The following GRB10 variants were observed in gnomAD, a reference collection of about 807,000 sequenced individuals.
The protein encoded by GRB10 is growth factor receptor-bound protein 10.
Under a neutral mutation model 80.9 loss-of-function variants are expected in GRB10, and 20 were observed. That is an observed-to-expected ratio of 0.25 (90% CI 0.17 to 0.36). The LOEUF (loss-of-function observed/expected upper bound fraction) is 0.36. GRB10 is among the 10% of genes least tolerant of loss of function. GRB10 has a pLI of 1.00. For synonymous variants in GRB10, 291 were observed against 291.5 expected, an observed-to-expected ratio of 1.00 and a Z score of 0.02; for missense variants, 548 against 747.7, an observed-to-expected ratio of 0.73 and a Z score of 3.12.
At chr7:50,654,966 G>GAA (rs200224057) in intron 7 of GRB10, among the ~76,000 whole-genome samples, 28 of 151,494 alleles carry the variant, frequency 1.8e-4, no homozygotes, top group African/African-American at 6.5e-4. Context: ...TTAGAAAAGG[G>GAA]AAAAAAAACA....
rs2078984073 is a variant in GRB10, at chr7:50,792,741, C to A, written c.-294+483G>T. On this transcript the variant is annotated intron_variant, in intron 1 of 16. Transcript: ENST00000335866. ...GGACGCCCGGACGCCCGGGCGCGCG[C>A]GCCGCGGCCCCGCCGCGCAGTCGGA... The A allele has an allele frequency of 1.7e-5, 5 of 291,478 alleles. No individual in the cohort carries two copies. In the South Asian group the frequency reaches 6.5e-4, roughly 38 times the overall value. 18.1% of individuals were successfully genotyped at this position (291,478 alleles called of 1,614,324 possible). A position where few individuals can be genotyped will look rare whatever the true frequency, so the allele number is the denominator to read the frequency against.
intron 2 of GRB10, among the ~76,000 whole-genome samples, chr7:50,769,965 C>A (rs1588021555): frequency 6.6e-6 from 1 of 152,192 alleles, no homozygotes; most frequent in Admixed American, 6.5e-5. Context: ...TAGAAACGGT[C>A]GTATATACCT....
At chr7:50,710,693 C>A (rs1170128613) in intron 4 of GRB10, among the ~76,000 whole-genome samples, 1 of 152,166 alleles carries the variant, frequency 6.6e-6, no homozygotes, top group African/African-American at 2.4e-5. Context: ...TCCCAGGCCC[C>A]CACATGCTGG....
chr7:50,699,066 A>C (rs2063814650), intron 5 of GRB10, among the ~76,000 whole-genome samples: 1 of 152,198 alleles, frequency 6.6e-6, no homozygotes, highest in Non-Finnish European at 1.5e-5. Context: ...TTTTTATATT[A>C]CATTTCCCAA....
intron 4 of GRB10, among the ~76,000 whole-genome samples, chr7:50,718,239 G>T (rs1303643745): frequency 6.6e-6 from 1 of 152,164 alleles, no homozygotes; most frequent in Admixed American, 6.5e-5. Context: ...GAGAGGGGAG[G>T]CCAGTTTGGG....
intron 2 of GRB10, among the ~76,000 whole-genome samples, chr7:50,758,997 C>CA (rs60514186): frequency 0.91 from 137,935 of 151,990 alleles, 62,743 homozygotes; most frequent in African/African-American, 0.96. Context: ...CCAGTTATGG[C>CA]ATATAGCGTG....
chr7:50,740,175 A>G (rs898578896), intron 3 of GRB10, among the ~76,000 whole-genome samples: 2 of 152,164 alleles, frequency 1.3e-5, no homozygotes, highest in Non-Finnish European at 2.9e-5. Flanking sequence ...CCCCCAGAAC[A>G]CTGGCCCCCA....
In GRB10 at chr7:50,604,100, C is replaced by G. The variant is rs148145615; in HGVS notation, c.1457-15G>C. The G allele has an allele frequency of 1.2e-5, 20 of 1,606,166 alleles. No individual in the cohort carries two copies. Among genetic ancestry groups the G allele is most frequent in the Middle Eastern group, 1.7e-4 (1 of 6,040 alleles). Reference sequence around the variant, plus strand: ...CCTGTGAATCACTGTGGGGGGAAGACAGGAGGAGGGTAGGATGGTGGTGCC... The same window carrying G: ...CCTGTGAATCACTGTGGGGGGAAGAGAGGAGGAGGGTAGGATGGTGGTGCC... On this transcript the variant is annotated splice_polypyrimidine_tract_variant and intron_variant, in intron 16 of 18. Coordinates refer to ENST00000401949, the MANE Select transcript of GRB10 (RefSeq NM_001350814.2).
At chr7:50,759,609 TTTA>T (rs2075522039) in intron 2 of GRB10, among the ~76,000 whole-genome samples, 1 of 152,234 alleles carries the variant, frequency 6.6e-6, no homozygotes, top group Non-Finnish European at 1.5e-5. Flanking sequence ...ATTTTATTGT[TTTA>T]TTGTTATATT....
At chr7:50,658,829 C>T (rs771528832) in intron 7 of GRB10, among the ~76,000 whole-genome samples, 4 of 152,220 alleles carry the variant, frequency 2.6e-5, no homozygotes, top group Non-Finnish European at 4.4e-5. Context: ...CTCCAGGTCA[C>T]GACTGCCTCG....
At chr7:50,781,851 T>C (rs1465839520) in intron 1 of GRB10, among the ~76,000 whole-genome samples, 1 of 152,216 alleles carries the variant, frequency 6.6e-6, no homozygotes, top group Non-Finnish European at 1.5e-5. Flanking sequence ...TCAATTCACA[T>C]TGTCTGATAT....
At chr7:50,636,322 A>C (rs1239048792) in intron 7 of GRB10, among the ~76,000 whole-genome samples, 1 of 152,178 alleles carries the variant, frequency 6.6e-6, no homozygotes, top group Non-Finnish European at 1.5e-5. Context: ...AGGTGGTCCC[A>C]ATCTTACTGA....
chr7:50,675,530 T>A (rs2060835872), intron 5 of GRB10, among the ~76,000 whole-genome samples: 1 of 152,216 alleles, frequency 6.6e-6, no homozygotes, highest in Non-Finnish European at 1.5e-5. Flanking sequence ...GATTGTTCTC[T>A]CTCATGTGAG....
At chr7:50,704,708 C>A (rs1328159925) in intron 4 of GRB10, among the ~76,000 whole-genome samples, 1 of 152,236 alleles carries the variant, frequency 6.6e-6, no homozygotes, top group Non-Finnish European at 1.5e-5. Context: ...CAAATTCCCT[C>A]CTATTCATGC....
intron 6 of GRB10, among the ~76,000 whole-genome samples, chr7:50,674,117 T>C (rs1586718635): frequency 6.6e-6 from 1 of 152,356 alleles, no homozygotes; most frequent in East Asian, 1.9e-4. Context: ...ATCAGCTCCA[T>C]GGCTGTTCTT....
At chr7:50,599,446 T>A (rs2047222138) in intron 17 of GRB10, among the ~76,000 whole-genome samples, 1 of 152,218 alleles carries the variant, frequency 6.6e-6, no homozygotes, top group South Asian at 2.1e-4. Context: ...TACCTTGTTA[T>A]ACAAATACAC....
chr7:50,775,521 C>G (rs912510462), intron 2 of GRB10, among the ~76,000 whole-genome samples: 23 of 152,224 alleles, frequency 1.5e-4, no homozygotes, highest in Non-Finnish European at 7.3e-5. Context: ...GCCCCACCCC[C>G]ACAGCTCCAT....
intron 1 of GRB10, among the ~76,000 whole-genome samples, chr7:50,789,574 G>T (rs909823725): frequency 6.6e-6 from 1 of 152,154 alleles, no homozygotes; most frequent in Non-Finnish European, 1.5e-5. Context: ...GGTGGGAGGG[G>T]TTATTCCTCC....
intron 1 of GRB10, among the ~76,000 whole-genome samples, chr7:50,788,712 C>G (rs2078794538): frequency 1.3e-5 from 2 of 152,226 alleles, no homozygotes; most frequent in South Asian, 4.1e-4. Flanking sequence ...CAGGGAGAAG[C>G]AGGACTGCCC....
Sources: allele counts gnomAD v4.1 joint callset (sites outside exome capture counted in the v4.1 genomes callset), GRCh38; gene constraint gnomAD v4.1.1; transcripts MANE v1.5; gene names NCBI Gene and HGNC (gene_info 2026-07-23, HGNC 2026-07-21).